Variants in ABHD1 observed in about 807,000 individuals in gnomAD.
The protein encoded by ABHD1 is protein ABHD1.
Under a neutral mutation model 41.4 loss-of-function variants are expected in ABHD1, and 47 were observed. That is an observed-to-expected ratio of 1.13 (90% CI 0.90 to 1.45). The LOEUF (loss-of-function observed/expected upper bound fraction) is 1.45. Among genes scored for constraint, ABHD1 ranks in the 40% most tolerant of loss-of-function variants. The probability of loss-of-function intolerance (pLI) is 0.00; values close to 1 mark genes in which losing one functional copy is unlikely to be tolerated. For synonymous variants in ABHD1, 205 were observed against 203.7 expected (o/e 1.01, Z -0.05); for missense variants, 550 against 503.4 (o/e 1.09, Z -0.89).
rs1672128597 is a variant in ABHD1, at chr2:27,129,496, G to A, written c.505-18G>A. 1 of 1,613,726 alleles carries A rather than the reference G, an allele frequency of 6.2e-7. No individual in the cohort carries two copies. Among genetic ancestry groups the A allele is most frequent in the Non-Finnish European group, 8.5e-7 (1 of 1,179,678 alleles). On this transcript the variant is annotated intron_variant, in intron 4 of 8. Transcript: ENST00000316470. ...GCCACGGTCTCCCTCCCTACCCAAT[G>A]ATCTGGTTTGCCCTCAGACCCACAG...
chr2:27,127,859 C>T (rs1475023698), intron 1 of ABHD1, among the ~76,000 whole-genome samples: 2 of 151,984 alleles, frequency 1.3e-5, no homozygotes, highest in African/African-American at 4.8e-5. Context: ...TGCGCCCGGC[C>T]GGCTTCATTT....
At position 27,130,310 on chromosome 2, in the gene ABHD1, CTG is replaced by C. The variant is rs776229381; in HGVS notation, c.904_905del (p.Val302TyrfsTer9). On this transcript the variant is annotated frameshift_variant, in exon 8 of 9. Transcript: ENST00000316470. LOFTEE classifies it high-confidence loss of function. ...YTSVAFGYQD[C>X]VTYYKAASPR... Reference sequence around the variant, plus strand: ...CATCTGTGGCCTTTGGATATCAAGACTGTGTTACCTACTACAAAGCAGCAAGC... The same window carrying C: ...CATCTGTGGCCTTTGGATATCAAGACTGTTACCTACTACAAAGCAGCAAGC... The C allele has an allele frequency of 5.6e-6, 9 of 1,614,062 alleles. No homozygotes were observed. Among genetic ancestry groups the C allele is most frequent in the Admixed American group, 3.3e-5 (2 of 59,998 alleles).
rs976953953 is a variant in ABHD1, at chr2:27,129,576, G to C, written c.567G>C (p.Lys189Asn). Residue 189 changes from lysine (K) to asparagine (N), a missense_variant, in exon 5 of 9, where the codon AAG (lysine) becomes AAC (asparagine). Lys to Asn is a moderately conservative substitution (Grantham distance 94, BLOSUM62 0). Transcript: ENST00000316470. ...TAGAGACAGTCGTGAACCACATAAA[G>C]CATCGTTATCCCCAAGCTCCACTGC... ...EDLETVVNHIKHRYPQAPLLA... is the reference protein window; with the variant it reads ...EDLETVVNHINHRYPQAPLLA... The C allele has an allele frequency of 5.6e-6, 9 of 1,613,844 alleles. No homozygotes were observed. Among genetic ancestry groups the C allele is most frequent in the African/African-American group, 2.7e-5 (2 of 74,924 alleles).
rs150925501 is a variant in ABHD1 at position 27,130,590 on chromosome 2, G to A, written c.1064G>A (p.Arg355Gln). The A allele has an allele frequency of 3.5e-5, 56 of 1,614,076 alleles. No individual in the cohort carries two copies. Among genetic ancestry groups the A allele is most frequent in the Non-Finnish European group, 4.0e-5 (47 of 1,180,052 alleles). Residue 355 changes from arginine to glutamine, a missense_variant, in exon 9 of 9, where the codon CGG becomes CAG. Coordinates refer to ENST00000316470, the MANE Select transcript of ABHD1 (RefSeq NM_032604.4). ...SPYVALLITA[R>Q]GGHIGFLEGL... Reference sequence around the variant, plus strand: ...TACGTTGCGCTGCTCATCACAGCCCGGGGTGGCCACATCGGCTTCCTGGAA... The same window carrying A: ...TACGTTGCGCTGCTCATCACAGCCCAGGGTGGCCACATCGGCTTCCTGGAA...
At chr2:27,124,089 A>C (rs756927179) in intron 1 of ABHD1, 27 bp downstream of exon 1, 1 of 1,606,308 alleles carries the variant, frequency 6.2e-7, no homozygotes, top group Admixed American at 1.7e-5. Context: ...CGCTCTGGCC[A>C]GCGGGTTTGG....
Position 27,123,836 on chromosome 2 carries a change from CG to C in ABHD1, c.-109del. On this transcript the variant is annotated 5_prime_UTR_variant, in exon 1 of 9. Transcript: ENST00000316470. ...GGCCAGCAGCGCAAACTGCCTGCAG[CG>C]GGGACCGGACCTGCACAGGCCGCCT... is the stretch of plus-strand genomic sequence containing the variant. 3.5e-6 allele frequency: 3 copies of C among 850,506 alleles called. No homozygotes were observed. Among genetic ancestry groups the C allele is most frequent in the Non-Finnish European group, 5.7e-6 (3 of 529,464 alleles). 52.7% of individuals were successfully genotyped at this position (850,506 alleles called of 1,614,324 possible).
In ABHD1 at chr2:27,128,807, T is replaced by G. The variant is rs570490186; in HGVS notation, c.276-138T>G. 14 of 1,237,414 alleles carry G rather than the reference T, an allele frequency of 1.1e-5. No homozygotes were observed. In the South Asian group the frequency reaches 2.1e-4, roughly 18 times the overall value. 76.7% of individuals were successfully genotyped at this position (1,237,414 alleles called of 1,614,324 possible). On this transcript the variant is annotated intron_variant, in intron 2 of 8. Coordinates refer to ENST00000316470, the MANE Select transcript of ABHD1 (RefSeq NM_032604.4). ...CCCATCACACATTGTCAAGCCTTACTGTTTTACATGAAGAACACCCTCAGA... is the reference window on the plus strand; with the variant it reads ...CCCATCACACATTGTCAAGCCTTACGGTTTTACATGAAGAACACCCTCAGA...
chr2:27,124,928 G>A (rs1315907029), intron 1 of ABHD1: 1 of 152,296 alleles, frequency 6.6e-6, no homozygotes. Context: ...ATCGCCTGAG[G>A]TCGGGAGTTC....
chr2:27,123,901 C>T lies in ABHD1; in HGVS notation c.-48C>T. 1 of 1,551,108 alleles carries T rather than the reference C, an allele frequency of 6.4e-7. No individual in the cohort carries two copies. The highest frequency in any genetic ancestry group is 8.9e-7 in the Non-Finnish European group (1 of 1,127,640). The stretch of plus-strand genomic sequence containing the variant: ...GGTGGGACCGCGAGTTACAGCCGGC[C>T]AACTGGGGCCAGCCAGGAGCCTGAG... On this transcript the variant is annotated 5_prime_UTR_variant, in exon 1 of 9. Coordinates refer to ENST00000316470, the MANE Select transcript of ABHD1 (RefSeq NM_032604.4).
chr2:27,127,553 C>CAAAA (rs776328433), intron 1 of ABHD1, among the ~76,000 whole-genome samples: 1 of 96,198 alleles, frequency 1.0e-5, no homozygotes, highest in Non-Finnish European at 1.9e-5. Context: ...GACTCTGTCT[C>CAAAA]AAAAAAAAAA....
chr2:27,128,621 G>A lies in ABHD1; in HGVS notation c.275+20G>A, dbSNP rs1438537627. On this transcript the variant is annotated intron_variant, in intron 2 of 8. Coordinates refer to ENST00000316470, the MANE Select transcript of ABHD1 (RefSeq NM_032604.4). ...TCAGAGGTAAGAAGGGACAGAACAG[G>A]GTGAACATGAAACCCCAGGTATCTA... The A allele has an allele frequency of 6.2e-7, 1 of 1,609,676 alleles. No individual in the cohort carries two copies. The highest frequency in any genetic ancestry group is 1.7e-5 in the Admixed American group (1 of 59,872).
chr2:27,130,195 T>C (rs777149870), intron 7 of ABHD1, 42 bp downstream of exon 7: 2 of 1,614,176 alleles, frequency 1.2e-6, no homozygotes, highest in Non-Finnish European at 1.7e-6. Flanking sequence ...CAAATGAGTC[T>C]TCCACTATCT....
intron 1 of ABHD1, 113 bp downstream of exon 1, chr2:27,124,175 A>G: frequency 1.1e-6 from 1 of 951,656 alleles, no homozygotes; most frequent in Non-Finnish European, 1.7e-6. Flanking sequence ...CCACAGGTGA[A>G]ATTTGCTACC....
At chr2:27,125,979 C>T (rs1671941848) in intron 1 of ABHD1, 1 of 152,018 alleles carries the variant, frequency 6.6e-6, no homozygotes, top group African/African-American at 2.4e-5. Context: ...CTAGACAGCG[C>T]AGGCTCTAGA....
At chr2:27,124,212 T>G (rs1345388945) in intron 1 of ABHD1, 150 bp downstream of exon 1, 1 of 748,976 alleles carries the variant, frequency 1.3e-6, no homozygotes, top group African/African-American at 1.7e-5. Context: ...GCTCTGCCTC[T>G]CTAGTGCCTC....
Position 27,129,311 on chromosome 2 carries a change from C to T in ABHD1, c.459-5C>T. The T allele has an allele frequency of 5.0e-6, 8 of 1,614,158 alleles. No individual in the cohort carries two copies. The highest frequency in any genetic ancestry group is 6.8e-6 in the Non-Finnish European group (8 of 1,180,018). ...CTGGCTAAGATGTACCTGTGTGTGC[C>T]ACAGGGCTGTCGTGTTTAACAACCG... is the stretch of plus-strand genomic sequence containing the variant. On this transcript the variant is annotated splice_region_variant and splice_polypyrimidine_tract_variant and intron_variant, in intron 3 of 8. Transcript: ENST00000316470.
rs763028743 is a variant in ABHD1, at chr2:27,124,001, C to T, written c.53C>T (p.Ser18Phe). 3.1e-6 allele frequency: 5 copies of T among 1,614,274 alleles called. No homozygotes were observed. The South Asian group carries it at 3.3e-5, about 11-fold the overall frequency. The stretch of plus-strand genomic sequence containing the variant: ...AATGGCACCTGGGCAGACACCTTCT[C>T]TCTGCTCTTGGCTCTTGCCGTTGCC... ...PQNGTWADTF[S>F]LLLALAVALY... is the part of the protein sequence containing the mutation. The change falls in exon 1 of 9, where the codon TCT (serine) becomes TTT (phenylalanine). Residue 18 changes from serine to phenylalanine, a missense_variant. Ser to Phe is a radical substitution (Grantham distance 155, BLOSUM62 -2). Coordinates refer to ENST00000316470, the MANE Select transcript of ABHD1 (RefSeq NM_032604.4).
At chr2:27,129,973 G>C in intron 6 of ABHD1, 46 bp downstream of exon 6, 1 of 1,612,350 alleles carries the variant, frequency 6.2e-7, no homozygotes, top group Admixed American at 1.7e-5. Flanking sequence ...GAGTAGGATG[G>C]CAGACACTCC....
Position 27,129,067 on chromosome 2 carries a change from G to A in ABHD1, c.398G>A (p.Gly133Asp). 1 of 1,614,022 alleles carries A rather than the reference G, an allele frequency of 6.2e-7. No homozygotes were observed. The highest frequency in any genetic ancestry group is 1.6e-4 in the Middle Eastern group (1 of 6,062). The change falls in exon 3 of 9, where the codon GGC (glycine) becomes GAC (aspartate). Residue 133 changes from glycine (G) to aspartate (D), a missense_variant. Physicochemically the swap from Gly to Asp is moderately conservative, Grantham distance 94. Transcript: ENST00000316470. ...GTGCTGCTGCTTCCTGGCATCACTG[G>A]CAGTAGCCAGGAGACATACGTCTTG... is the stretch of plus-strand genomic sequence containing the variant. ...PIVLLLPGIT[G>D]SSQETYVLHL...
Sources: gnomAD v4.1 joint callset for allele counts (sites outside exome capture counted in the v4.1 genomes callset) on GRCh38, gnomAD v4.1.1 for gene constraint, MANE v1.5 for transcripts, NCBI Gene and HGNC (gene_info 2026-07-23, HGNC 2026-07-21) for gene names.